SCAMP1: variants seen among roughly 807,000 people sequenced by gnomAD.
SCAMP1 encodes the protein secretory carrier membrane protein 1, also known as secretory carrier-associated membrane protein 1.
A neutral mutation model predicts 41.8 loss-of-function variants in SCAMP1; 15 were observed. That is an observed-to-expected ratio of 0.36 (90% CI 0.24 to 0.55). The LOEUF is 0.55. Ranked by LOEUF, SCAMP1 falls within the 20% of genes least tolerant of loss-of-function variation. The pLI, the probability that SCAMP1 is intolerant of heterozygous loss-of-function variation, is 0.86. For missense variants in SCAMP1, 341 were observed against 412.6 expected (o/e 0.83, Z 1.50); for synonymous variants, 135 against 136.8 (o/e 0.99, Z 0.09).
intron 6 of SCAMP1, among the ~76,000 whole-genome samples, chr5:78,423,006 ACGCGCGCG>A (rs750021109): frequency 3.3e-4 from 15 of 45,076 alleles, no homozygotes; most frequent in African/African-American, 1.2e-3. Context: ...TGTGTAACAC[ACGCGCGCG>A]CGCACACACA....
intron 1 of SCAMP1, among the ~76,000 whole-genome samples, chr5:78,365,617 TA>T (rs1750776629): frequency 6.6e-6 from 1 of 152,026 alleles, no homozygotes; most frequent in Non-Finnish European, 1.5e-5. Context: ...GAATCAAAGC[TA>T]AAAATAATTA....
intron 1 of SCAMP1, among the ~76,000 whole-genome samples, chr5:78,381,814 CAT>C (rs1484733096): frequency 6.6e-6 from 1 of 152,140 alleles, no homozygotes; most frequent in African/African-American, 2.4e-5. Context: ...AGATGTTTCT[CAT>C]ATGAATTTAT....
intron 6 of SCAMP1, among the ~76,000 whole-genome samples, chr5:78,428,504 G>C (rs1246027675): frequency 6.6e-6 from 1 of 152,034 alleles, no homozygotes; most frequent in African/African-American, 2.4e-5. Context: ...ATACCAATAT[G>C]CCTTTCTTGA....
At chr5:78,380,712 C>A (rs542667392) in intron 1 of SCAMP1, among the ~76,000 whole-genome samples, 4 of 151,932 alleles carry the variant, frequency 2.6e-5, no homozygotes, top group Non-Finnish European at 4.4e-5. Flanking sequence ...TATCACCAGG[C>A]ATGTATGATT....
At chr5:78,380,167 G>A (rs983931498) in intron 1 of SCAMP1, among the ~76,000 whole-genome samples, 8 of 152,100 alleles carry the variant, frequency 5.3e-5, no homozygotes, top group African/African-American at 1.9e-4. Context: ...CAGCTGCATA[G>A]TACTTTATCA....
At chr5:78,363,949 A>C (rs1365023679) in intron 1 of SCAMP1, among the ~76,000 whole-genome samples, 4 of 152,232 alleles carry the variant, frequency 2.6e-5, no homozygotes, top group Admixed American at 2.6e-4. Context: ...TCGAAAAGAA[A>C]ATAGGTGATT....
intron 2 of SCAMP1, among the ~76,000 whole-genome samples, chr5:78,398,983 C>G (rs1157216394): frequency 1.3e-5 from 2 of 152,116 alleles, no homozygotes; most frequent in African/African-American, 4.8e-5. Flanking sequence ...TCTCTTTGCC[C>G]CTTCCCAGAC....
chr5:78,363,403 G>A (rs1750712187), intron 1 of SCAMP1, among the ~76,000 whole-genome samples: 1 of 151,488 alleles, frequency 6.6e-6, no homozygotes, highest in East Asian at 1.9e-4. Flanking sequence ...TAGAGACGGG[G>A]TTTCACCGTG....
intron 2 of SCAMP1, among the ~76,000 whole-genome samples, chr5:78,415,283 T>G (rs1004174702): frequency 6.6e-6 from 1 of 151,532 alleles, no homozygotes; most frequent in Non-Finnish European, 1.5e-5. Context: ...TGGAGGAGAG[T>G]GTTTGTCATA....
At chr5:78,420,027 TA>T (rs1752303144) in intron 5 of SCAMP1, among the ~76,000 whole-genome samples, 1 of 152,142 alleles carries the variant, frequency 6.6e-6, no homozygotes, top group Non-Finnish European at 1.5e-5. Context: ...TATATATGTT[TA>T]TTTTTTTAAA....
chr5:78,390,666 T>C lies in SCAMP1; in HGVS notation c.135+1752T>C, dbSNP rs142254280. 6.8e-3 allele frequency among the ~76,000 whole-genome samples: 1,037 copies of C among 151,728 alleles called. 10 individuals carry two copies. The highest frequency in any genetic ancestry group is 0.024 in the African/African-American group (978 of 41,446). ...AAAGAGATTTTTTTTTCTTTTTTTT[T>C]TTTTTATTGATCATTCTTGGGTGTT... is the stretch of plus-strand genomic sequence containing the variant. On this transcript the variant is annotated intron_variant, in intron 2 of 8. Coordinates refer to ENST00000621999, the MANE Select transcript of SCAMP1 (RefSeq NM_004866.6).
At chr5:78,439,071 A>G (rs1284346033) in intron 6 of SCAMP1, among the ~76,000 whole-genome samples, 3 of 152,158 alleles carry the variant, frequency 2.0e-5, no homozygotes, top group South Asian at 2.1e-4. Context: ...TGCTTGGTAG[A>G]TCTTCCTCCA....
intron 8 of SCAMP1, among the ~76,000 whole-genome samples, chr5:78,463,027 T>TG (rs35082026): frequency 0.76 from 116,014 of 152,072 alleles, 44,901 homozygotes; most frequent in African/African-American, 0.85. Flanking sequence ...AAAACCACTT[T>TG]TACTCTTTCA....
At chr5:78,441,850 C>G (rs1234382522) in intron 6 of SCAMP1, among the ~76,000 whole-genome samples, 1 of 152,126 alleles carries the variant, frequency 6.6e-6, no homozygotes, top group Non-Finnish European at 1.5e-5. Flanking sequence ...AAAAAGGTGA[C>G]TGGGTGTGGT....
At chr5:78,390,212 C>G (rs1316185226) in intron 2 of SCAMP1, among the ~76,000 whole-genome samples, 3 of 152,276 alleles carry the variant, frequency 2.0e-5, no homozygotes, top group African/African-American at 7.2e-5. Context: ...GAAAAAACCC[C>G]ACACATTTGG....
rs899611643 is a variant in SCAMP1 at position 78,375,136 on chromosome 5, T to C, written c.58-13701T>C. On this transcript the variant is annotated intron_variant, in intron 1 of 8. Transcript: ENST00000621999. ...GGGAGGGCCTCTCAGCTTGGGGCAT[T>C]TCTTGTTTAATCAAATTGTCTAGTG... is the stretch of plus-strand genomic sequence containing the variant. 7.6e-4 allele frequency among the ~76,000 whole-genome samples: 116 copies of C among 152,216 alleles called. 1 individual carries two copies. Among genetic ancestry groups the C allele is most frequent in the Middle Eastern group, 6.8e-3 (2 of 294 alleles).
In SCAMP1 at chr5:78,475,805, A is replaced by C; in HGVS notation, c.*137A>C. The C allele has an allele frequency of 1.8e-6, 1 of 570,876 alleles. No homozygotes were observed. Among genetic ancestry groups the C allele is most frequent in the Non-Finnish European group, 2.6e-6 (1 of 381,768 alleles). The allele number at this position is 570,876 out of a possible 1,614,324, so 35.4% of individuals were successfully genotyped here. A position where few individuals can be genotyped will look rare whatever the true frequency, so the allele number is the denominator to read the frequency against. On this transcript the variant is annotated 3_prime_UTR_variant, in exon 9 of 9. Coordinates refer to ENST00000621999, the MANE Select transcript of SCAMP1 (RefSeq NM_004866.6). ...CCTGTTCACTTGTGCATGGGCTAAAACCAGGAAAACTTCCTTGTCTTATTA... is the reference window on the plus strand; with the variant it reads ...CCTGTTCACTTGTGCATGGGCTAAACCCAGGAAAACTTCCTTGTCTTATTA...
chr5:78,387,379 A>G (rs1486224382), intron 1 of SCAMP1, among the ~76,000 whole-genome samples: 1 of 72,364 alleles, frequency 1.4e-5, no homozygotes, highest in Admixed American at 1.4e-4. Flanking sequence ...TTTTTTTTTT[A>G]ATTTCTTTAA....
chr5:78,466,649 T>C (rs1435651181), intron 8 of SCAMP1, among the ~76,000 whole-genome samples: 1 of 152,144 alleles, frequency 6.6e-6, no homozygotes, highest in African/African-American at 2.4e-5. Flanking sequence ...GTAAGTATAG[T>C]TTTATCCTAC....
Sources: gnomAD v4.1 joint callset for allele counts (sites outside exome capture counted in the v4.1 genomes callset) on GRCh38, gnomAD v4.1.1 for gene constraint, MANE v1.5 for transcripts, NCBI Gene and HGNC (gene_info 2026-07-23, HGNC 2026-07-21) for gene names.